HIP1: variants seen among roughly 807,000 people sequenced by gnomAD.
HIP1 encodes the protein huntingtin interacting protein 1.
Under a neutral mutation model 147.6 loss-of-function variants are expected in HIP1, and 65 were observed. The ratio of observed to expected loss-of-function variants is 0.44; its 90% confidence interval spans 0.36 to 0.54. HIP1 has a LOEUF of 0.54. Among genes scored for constraint, HIP1 ranks in the 20% least tolerant of loss-of-function variants. The pLI, the probability that HIP1 is intolerant of heterozygous loss-of-function variation, is 0.00. For synonymous variants in HIP1, 479 were observed against 504.0 expected, an observed-to-expected ratio of 0.95 and a Z score of 0.67; for missense variants, 1,061 against 1,299.6, an observed-to-expected ratio of 0.82 and a Z score of 2.82.
intron 29 of HIP1, among the ~76,000 whole-genome samples, chr7:75,540,849 A>T (rs1224334468): frequency 1.3e-5 from 2 of 152,226 alleles, no homozygotes; most frequent in Non-Finnish European, 2.9e-5. Flanking sequence ...AGTCATACGC[A>T]AATAATTCAT....
At chr7:75,734,957 C>G (rs1801971261) in intron 1 of HIP1, among the ~76,000 whole-genome samples, 1 of 152,138 alleles carries the variant, frequency 6.6e-6, no homozygotes, top group Non-Finnish European at 1.5e-5. Context: ...ATCTATCCCT[C>G]TAAGGAAGAG....
intron 1 of HIP1, among the ~76,000 whole-genome samples, chr7:75,656,756 C>T (rs1157901315): frequency 2.0e-5 from 3 of 152,154 alleles, no homozygotes; most frequent in Non-Finnish European, 2.9e-5. Flanking sequence ...GGATTACAGG[C>T]GTGAGCCACT....
chr7:75,669,271 G>A (rs542088165), intron 1 of HIP1, among the ~76,000 whole-genome samples: 12 of 152,296 alleles, frequency 7.9e-5, no homozygotes, highest in Admixed American at 5.2e-4. Flanking sequence ...TACTCGGGAG[G>A]CTGAGGCAGG....
chr7:75,635,741 C>A (rs1415942363), intron 1 of HIP1, among the ~76,000 whole-genome samples: 1 of 151,942 alleles, frequency 6.6e-6, no homozygotes, highest in East Asian at 1.9e-4. Context: ...CATGCAGGGA[C>A]GCAATGTACA....
intron 1 of HIP1, among the ~76,000 whole-genome samples, chr7:75,705,322 G>T (rs548302547): frequency 6.6e-6 from 1 of 150,814 alleles, no homozygotes; most frequent in South Asian, 2.1e-4. Context: ...TGTCTTCAAG[G>T]TTCATCCATG....
At chr7:75,572,887 G>T (rs1795696842) in intron 8 of HIP1, among the ~76,000 whole-genome samples, 2 of 152,182 alleles carry the variant, frequency 1.3e-5, no homozygotes, top group African/African-American at 2.4e-5. Context: ...ACTCTTCAGG[G>T]CCTGAGAAGG....
chr7:75,548,118 T>G (rs912167722), intron 23 of HIP1, among the ~76,000 whole-genome samples: 9 of 152,084 alleles, frequency 5.9e-5, no homozygotes, highest in Non-Finnish European at 1.2e-4. Context: ...AACCTCCGCC[T>G]CCTGGGTTCA....
chr7:75,632,976 G>A (rs781853827), intron 1 of HIP1, among the ~76,000 whole-genome samples: 2 of 152,172 alleles, frequency 1.3e-5, no homozygotes, highest in African/African-American at 2.4e-5. Flanking sequence ...TGGACACGTG[G>A]CAGGGAATAA....
intron 27 of HIP1, 102 bp downstream of exon 27, chr7:75,544,593 A>C: frequency 2.7e-6 from 2 of 747,358 alleles, no homozygotes; most frequent in East Asian, 5.3e-5. Flanking sequence ...GTACTCTCTA[A>C]CTCAGCCAAG....
chr7:75,656,023 G>A (rs1324807581), intron 1 of HIP1, among the ~76,000 whole-genome samples: 2 of 152,044 alleles, frequency 1.3e-5, no homozygotes, highest in Admixed American at 6.6e-5. Flanking sequence ...GGAAGCTGAG[G>A]CAGGAGGATC....
Position 75,570,020 on chromosome 7 carries a change from C to T in HIP1, c.746-1764G>A, listed in dbSNP as rs1162595248. Among the ~76,000 whole-genome samples, 6 of 151,864 alleles carry T rather than the reference C, an allele frequency of 4.0e-5. 1 individual carries two copies. The highest frequency in any genetic ancestry group is 4.1e-4 in the South Asian group (2 of 4,822). Reference sequence around the variant, plus strand: ...CACAATCTCAGCTCACCACAACCTCCGCCTCCCGGGTTCAAGCAATTCTCC... The same window carrying T: ...CACAATCTCAGCTCACCACAACCTCTGCCTCCCGGGTTCAAGCAATTCTCC... On this transcript the variant is annotated intron_variant, in intron 8 of 30. Transcript: ENST00000336926.
At chr7:75,687,490 G>A (rs1347111964) in intron 1 of HIP1, among the ~76,000 whole-genome samples, 1 of 152,132 alleles carries the variant, frequency 6.6e-6, no homozygotes, top group African/African-American at 2.4e-5. Flanking sequence ...TCAGGAGTTC[G>A]AGACCAGCCT....
At chr7:75,729,918 C>A (rs1027754948) in intron 1 of HIP1, among the ~76,000 whole-genome samples, 6 of 152,128 alleles carry the variant, frequency 3.9e-5, no homozygotes, top group Non-Finnish European at 5.9e-5. Context: ...GCAGGAAATG[C>A]AAGATTCACA....
At chr7:75,539,485 TTTTA>T in intron 29 of HIP1, 54 bp from the exon 30 acceptor site, 2 of 1,386,460 alleles carry the variant, frequency 1.4e-6, no homozygotes, top group Non-Finnish European at 2.0e-6. Flanking sequence ...GAGATTTAAT[TTTTA>T]TTTATTTTTT....
chr7:75,693,920 T>TTTTC (rs1191222555), intron 1 of HIP1, among the ~76,000 whole-genome samples: 13 of 34,458 alleles, frequency 3.8e-4, no homozygotes, highest in African/African-American at 1.5e-3. Flanking sequence ...TTCTCTTTTC[T>TTTTC]TTTTTTTTTT....
intron 1 of HIP1, among the ~76,000 whole-genome samples, chr7:75,693,628 G>T (rs1554518429): frequency 6.6e-6 from 1 of 151,896 alleles, no homozygotes; most frequent in Non-Finnish European, 1.5e-5. Flanking sequence ...TAATCCTGGC[G>T]CTTTGGGAGG....
At chr7:75,726,603 C>T (rs560941731) in intron 1 of HIP1, among the ~76,000 whole-genome samples, 3 of 151,750 alleles carry the variant, frequency 2.0e-5, no homozygotes, top group African/African-American at 2.4e-5. Flanking sequence ...TATCACCCCA[C>T]GTCCTTGCCA....
rs1796074148 is a variant in HIP1 at position 75,582,066 on chromosome 7, G to A, written c.542+9C>T. ...CTCCCTCCCTGGGCTCAGGGCAGGAGCCACTTACAAGTTGTTCACGTCACT... is the reference window on the plus strand; with the variant it reads ...CTCCCTCCCTGGGCTCAGGGCAGGAACCACTTACAAGTTGTTCACGTCACT... On this transcript the variant is annotated intron_variant, in intron 6 of 30. Coordinates refer to ENST00000336926, the MANE Select transcript of HIP1 (RefSeq NM_005338.7). 6.2e-7 allele frequency: 1 copy of A among 1,611,376 alleles called. No homozygotes were observed. Among genetic ancestry groups the A allele is most frequent in the Non-Finnish European group, 8.5e-7 (1 of 1,177,906 alleles).
At position 75,539,429 on chromosome 7, in the gene HIP1, A is replaced by C. The variant is rs782481508; in HGVS notation, c.2955T>G (p.Val985=). ...QIKRQEMDSQ[V]RVLELENELQ... ...ATTCATTTTCTAGCTCTAGCACCCT[A>C]ACCTGTAAGGGAAATTAAGTGGGAT... is the stretch of plus-strand genomic sequence containing the variant. The change falls in exon 30 of 31, where the codon GTT becomes GTG. Residue 985 remains valine, a splice_region_variant and synonymous_variant. Coordinates refer to ENST00000336926, the MANE Select transcript of HIP1 (RefSeq NM_005338.7). The C allele has an allele frequency of 3.1e-6, 5 of 1,608,928 alleles. No homozygotes were observed. The South Asian group carries it at 4.4e-5, about 14-fold the overall frequency.
Sources: allele counts gnomAD v4.1 joint callset (sites outside exome capture counted in the v4.1 genomes callset), GRCh38; gene constraint gnomAD v4.1.1; transcripts MANE v1.5; gene names NCBI Gene and HGNC (gene_info 2026-07-23, HGNC 2026-07-21).